The following ANXA10 variants were observed in gnomAD, a reference collection of about 807,000 sequenced individuals.
The protein encoded by ANXA10 is annexin A10, also known as annexin 14.
ANXA10 carries 49 observed loss-of-function variants against 53.5 expected under a neutral mutation model. The observed-to-expected ratio is 0.92, with a 90% CI of 0.73 to 1.16. ANXA10 has a LOEUF of 1.16. ANXA10 is among the 50% of genes most tolerant of loss of function. The pLI, the probability that ANXA10 is intolerant of heterozygous loss-of-function variation, is 0.00. For synonymous variants in ANXA10, 131 were observed against 128.9 expected (o/e 1.02, Z -0.11); for missense variants, 393 against 394.4 (o/e 1.00, Z 0.03).
intron 1 of ANXA10, among the ~76,000 whole-genome samples, chr4:168,115,367 G>C (rs937320168): frequency 6.6e-6 from 1 of 151,952 alleles, no homozygotes; most frequent in African/African-American, 2.4e-5. Flanking sequence ...GTTTACACAG[G>C]GGTTGTGCAA....
At chr4:168,105,099 G>T (rs1579200902) in intron 1 of ANXA10, among the ~76,000 whole-genome samples, 1 of 151,704 alleles carries the variant, frequency 6.6e-6, no homozygotes, top group Non-Finnish European at 1.5e-5. Flanking sequence ...GGGATCTGTA[G>T]ATTTGGGCAC....
intron 6 of ANXA10, among the ~76,000 whole-genome samples, chr4:168,166,122 C>T (rs1731873679): frequency 6.6e-6 from 1 of 152,160 alleles, no homozygotes; most frequent in South Asian, 2.1e-4. Context: ...CAAATATTCT[C>T]ATAAGTACTT....
intron 1 of ANXA10, among the ~76,000 whole-genome samples, chr4:168,122,714 C>T (rs1157699918): frequency 1.3e-5 from 2 of 152,146 alleles, no homozygotes; most frequent in East Asian, 1.9e-4. Flanking sequence ...AGATGACTGG[C>T]GGGCAGGTTG....
intron 1 of ANXA10, among the ~76,000 whole-genome samples, chr4:168,122,748 T>C (rs1731007929): frequency 6.6e-6 from 1 of 152,030 alleles, no homozygotes; most frequent in Non-Finnish European, 1.5e-5. Context: ...AACTACTAAA[T>C]CTCGTGAGAA....
intron 4 of ANXA10, among the ~76,000 whole-genome samples, chr4:168,163,926 C>T (rs1731828953): frequency 1.3e-5 from 2 of 152,144 alleles, no homozygotes; most frequent in South Asian, 4.1e-4. Context: ...ATTGCTTGAA[C>T]ATGTCTTTCT....
chr4:168,124,104 A>G (rs967769567), intron 1 of ANXA10, among the ~76,000 whole-genome samples: 3 of 152,182 alleles, frequency 2.0e-5, no homozygotes, highest in African/African-American at 4.8e-5. Context: ...CTGACGTGCA[A>G]TTGATGCTGT....
At chr4:168,153,720 T>A (rs1731547544) in intron 3 of ANXA10, among the ~76,000 whole-genome samples, 1 of 152,140 alleles carries the variant, frequency 6.6e-6, no homozygotes, top group South Asian at 2.1e-4. Context: ...GTTAAATCTT[T>A]TAACATTTAT....
chr4:168,138,273 A>T (rs1012110135), intron 2 of ANXA10, among the ~76,000 whole-genome samples: 1 of 152,030 alleles, frequency 6.6e-6, no homozygotes, highest in African/African-American at 2.4e-5. Flanking sequence ...TAACTTTTTA[A>T]TAATAGTCAT....
intron 2 of ANXA10, among the ~76,000 whole-genome samples, chr4:168,136,554 C>A (rs1036983910): frequency 2.0e-5 from 3 of 152,142 alleles, no homozygotes; most frequent in Non-Finnish European, 4.4e-5. Flanking sequence ...TTAAAGTTCC[C>A]AAATAATATC....
At chr4:168,113,624 T>C (rs1253890897) in intron 1 of ANXA10, among the ~76,000 whole-genome samples, 1 of 152,234 alleles carries the variant, frequency 6.6e-6, no homozygotes, top group African/African-American at 2.4e-5. Flanking sequence ...AGAGCTGTCA[T>C]GGCCTCATCA....
rs370916066 is a variant in ANXA10, at chr4:168,124,463, A to G, written c.19-3621A>G. On this transcript the variant is annotated intron_variant, in intron 1 of 11. Transcript: ENST00000359299. ...GGAGTAAGGAATCAGGTCATGAAGAATATTGTATATCTGTTAAAATATTTG... is the reference window on the plus strand; with the variant it reads ...GGAGTAAGGAATCAGGTCATGAAGAGTATTGTATATCTGTTAAAATATTTG... 3.0e-4 allele frequency among the ~76,000 whole-genome samples: 45 copies of G among 152,320 alleles called. No homozygotes were observed. The East Asian group carries it at 8.1e-3, about 27-fold the overall frequency.
At chr4:168,128,196 T>G (rs1378194850) in intron 2 of ANXA10, 31 bp downstream of exon 2, 1 of 1,578,226 alleles carries the variant, frequency 6.3e-7, no homozygotes, top group East Asian at 2.2e-5. Context: ...CATCTTTTAT[T>G]GTGATTATTT....
chr4:168,155,730 TATGATATATC>T lies in ANXA10; in HGVS notation c.196-6795_196-6786del, dbSNP rs1560783599. Among the ~76,000 whole-genome samples the T allele has an allele frequency of 1.5e-3, 95 of 63,504 alleles. 17 individuals are homozygous for T. Among genetic ancestry groups the T allele is most frequent in the African/African-American group, 5.6e-3 (90 of 15,954 alleles). The allele number at this position is 63,504 out of a possible 152,430, so 41.7% of individuals were successfully genotyped here. A position where few individuals can be genotyped will look rare whatever the true frequency, so the allele number is the denominator to read the frequency against. ...ATATATAATATTATATAATATAATA[TATGATATATC>T]ATATATTATATATTATATAATATAT... is the stretch of plus-strand genomic sequence containing the variant. On this transcript the variant is annotated intron_variant, in intron 3 of 11. Coordinates refer to ENST00000359299, the MANE Select transcript of ANXA10 (RefSeq NM_007193.5).
chr4:168,120,086 T>C (rs1730960753), intron 1 of ANXA10, among the ~76,000 whole-genome samples: 1 of 152,046 alleles, frequency 6.6e-6, no homozygotes, highest in African/African-American at 2.4e-5. Context: ...CTTGGCACTC[T>C]GTAAATGGCA....
At chr4:168,155,784 TATTA>T (rs1328382392) in intron 3 of ANXA10, among the ~76,000 whole-genome samples, 11 of 22,938 alleles carry the variant, frequency 4.8e-4, no homozygotes, top group Non-Finnish European at 6.4e-4. Flanking sequence ...ATATATTATA[TATTA>T]TATATAATAT....
chr4:168,178,136 G>A (rs905981289), intron 8 of ANXA10, 153 bp downstream of exon 8: 1 of 646,038 alleles, frequency 1.5e-6, no homozygotes, highest in Non-Finnish European at 2.6e-6. Context: ...TATAAGATGT[G>A]CCTTATTTAA....
intron 3 of ANXA10, among the ~76,000 whole-genome samples, chr4:168,149,620 T>G (rs72691181): frequency 6.6e-6 from 1 of 152,116 alleles, no homozygotes; most frequent in Non-Finnish European, 1.5e-5. Flanking sequence ...TGTCAGAGAA[T>G]TTCTGAAGAT....
intron 6 of ANXA10, among the ~76,000 whole-genome samples, chr4:168,166,823 A>G (rs1244084523): frequency 1.3e-5 from 2 of 152,212 alleles, no homozygotes; most frequent in African/African-American, 4.8e-5. Context: ...GGAACATGAC[A>G]TTAGAAAAGA....
At chr4:168,113,962 T>G (rs948889873) in intron 1 of ANXA10, among the ~76,000 whole-genome samples, 3 of 152,244 alleles carry the variant, frequency 2.0e-5, no homozygotes, top group African/African-American at 7.2e-5. Context: ...TTTGCTGGTT[T>G]TAAAGCTTTT....
Sources: allele counts gnomAD v4.1 joint callset (sites outside exome capture counted in the v4.1 genomes callset), GRCh38; gene constraint gnomAD v4.1.1; transcripts MANE v1.5; gene names NCBI Gene and HGNC (gene_info 2026-07-23, HGNC 2026-07-21).